Variants in MIR2052HG observed in about 807,000 individuals in gnomAD.
The protein encoded by MIR2052HG is MIR2052 host gene.
intron 1 of MIR2052HG, among the ~76,000 whole-genome samples, chr8:74,606,975 C>T (rs1808120552): frequency 6.6e-6 from 1 of 151,720 alleles, no homozygotes; most frequent in Non-Finnish European, 1.5e-5. Flanking sequence ...TTGAACATTA[C>T]CAATAGCCGT....
chr8:74,669,856 T>A (rs1028730775), intron 2 of MIR2052HG, among the ~76,000 whole-genome samples: 11 of 152,164 alleles, frequency 7.2e-5, no homozygotes, highest in African/African-American at 2.7e-4. Context: ...CACTCGTTAG[T>A]CTTAAATTTG....
intron 2 of MIR2052HG, among the ~76,000 whole-genome samples, chr8:74,681,861 G>T (rs894680244): frequency 6.6e-6 from 1 of 152,162 alleles, no homozygotes; most frequent in African/African-American, 2.4e-5. Flanking sequence ...TATAGGAACA[G>T]TATAGAGAGA....
chr8:74,630,685 G>A (rs140087085), intron 2 of MIR2052HG, among the ~76,000 whole-genome samples: 10 of 152,282 alleles, frequency 6.6e-5, no homozygotes, highest in Non-Finnish European at 1.0e-4. Flanking sequence ...GACATTCCTG[G>A]CAGTGAGCTA....
chr8:74,675,881 T>A (rs1020362709), intron 2 of MIR2052HG, among the ~76,000 whole-genome samples: 12 of 151,988 alleles, frequency 7.9e-5, no homozygotes, highest in African/African-American at 2.7e-4. Context: ...GCTTCCTAAA[T>A]GTTATTAGTA....
intron 2 of MIR2052HG, among the ~76,000 whole-genome samples, chr8:74,624,832 G>A (rs1170599568): frequency 3.9e-5 from 6 of 152,074 alleles, no homozygotes; most frequent in South Asian, 2.1e-4. Context: ...TTCTCACTCC[G>A]TCTGTAAAAT....
At chr8:74,746,872 G>A (rs1809893026) in intron 4 of MIR2052HG, among the ~76,000 whole-genome samples, 1 of 152,080 alleles carries the variant, frequency 6.6e-6, no homozygotes, top group Non-Finnish European at 1.5e-5. Context: ...TTAGTTGAAA[G>A]CTAAACTGAA....
chr8:74,612,994 T>C, intron 2 of MIR2052HG: 1 of 451,654 alleles, frequency 2.2e-6, no homozygotes, highest in Non-Finnish European at 4.4e-6. Context: ...AATATGATAA[T>C]GGACAAACAG....
intron 1 of MIR2052HG, among the ~76,000 whole-genome samples, chr8:74,600,505 C>T (rs1433907976): frequency 3.4e-5 from 5 of 149,018 alleles, no homozygotes; most frequent in Non-Finnish European, 7.4e-5. Flanking sequence ...TGGCATGAAC[C>T]GGGGAGGCGG....
At chr8:74,649,453 G>A (rs1808729725) in intron 2 of MIR2052HG, among the ~76,000 whole-genome samples, 1 of 151,970 alleles carries the variant, frequency 6.6e-6, no homozygotes, top group African/African-American at 2.4e-5. Flanking sequence ...GAAATCTGAG[G>A]GGTATGAGAT....
chr8:74,733,651 C>A (rs1293536558), intron 4 of MIR2052HG, among the ~76,000 whole-genome samples: 1 of 141,848 alleles, frequency 7.0e-6, no homozygotes, highest in South Asian at 2.5e-4. Context: ...CCTGAGGAAT[C>A]GCCACACTGA....
chr8:74,724,850 T>C (rs1380357059), intron 4 of MIR2052HG, among the ~76,000 whole-genome samples: 1 of 152,190 alleles, frequency 6.6e-6, no homozygotes, highest in Non-Finnish European at 1.5e-5. Flanking sequence ...CACTGTATTA[T>C]GGACTTTTTT....
intron 2 of MIR2052HG, among the ~76,000 whole-genome samples, chr8:74,686,019 A>G (rs1226206119): frequency 2.0e-5 from 3 of 151,938 alleles, no homozygotes; most frequent in African/African-American, 4.8e-5. Flanking sequence ...TATTATATCC[A>G]TGATAACTGC....
chr8:74,681,798 T>A (rs1339577760), intron 2 of MIR2052HG, among the ~76,000 whole-genome samples: 3 of 152,176 alleles, frequency 2.0e-5, no homozygotes, highest in Non-Finnish European at 4.4e-5. Flanking sequence ...TCTGTTCTAT[T>A]TATAAGTTAC....
At chr8:74,638,956 A>G (rs1296943069) in intron 2 of MIR2052HG, among the ~76,000 whole-genome samples, 5 of 152,242 alleles carry the variant, frequency 3.3e-5, no homozygotes, top group African/African-American at 1.2e-4. Flanking sequence ...ACATTAGGTC[A>G]TGAGCAAAAA....
chr8:74,735,223 T>C (rs1480711652), intron 4 of MIR2052HG, among the ~76,000 whole-genome samples: 1 of 152,196 alleles, frequency 6.6e-6, no homozygotes, highest in Non-Finnish European at 1.5e-5. Context: ...AGGTACTTGA[T>C]AAATGTTTCT....
intron 4 of MIR2052HG, among the ~76,000 whole-genome samples, chr8:74,715,711 T>C (rs1282057032): frequency 6.6e-6 from 1 of 152,186 alleles, no homozygotes; most frequent in African/African-American, 2.4e-5. Context: ...GGCAAGGATA[T>C]TGCTTGCCAG....
rs200287138 is a variant in MIR2052HG, at chr8:74,704,118, AT to A, written n.371+444del. Among the ~76,000 whole-genome samples, 96 of 151,778 alleles carry A rather than the reference AT, an allele frequency of 6.3e-4. No individual in the cohort carries two copies. In the East Asian group the frequency reaches 0.017, roughly 27 times the overall value. On this transcript the variant is annotated intron_variant and non_coding_transcript_variant, in intron 4 of 6. Coordinates refer to ENST00000523442, the Ensembl canonical transcript of MIR2052HG. The stretch of plus-strand genomic sequence containing the variant: ...ATATCTATATGGGAATAGATCTGTG[AT>A]TTTTTTTCTATTAATTTTCTAAAAT...
intron 2 of MIR2052HG, among the ~76,000 whole-genome samples, chr8:74,650,511 T>C (rs1401823720): frequency 6.6e-6 from 1 of 152,208 alleles, no homozygotes; most frequent in South Asian, 2.1e-4. Context: ...GCCATTCTCA[T>C]ATGAATGTTT....
chr8:74,633,547 T>G (rs1294238016), intron 2 of MIR2052HG, among the ~76,000 whole-genome samples: 1 of 152,228 alleles, frequency 6.6e-6, no homozygotes, highest in Non-Finnish European at 1.5e-5. Context: ...CCATCTTACC[T>G]TGCTAAATGA....
Sources: allele counts gnomAD v4.1 joint callset (sites outside exome capture counted in the v4.1 genomes callset), GRCh38; gene constraint gnomAD v4.1.1; transcripts MANE v1.5; gene names NCBI Gene and HGNC (gene_info 2026-07-23, HGNC 2026-07-21).